The following FAM114A2 variants were observed in gnomAD, a reference collection of about 807,000 sequenced individuals.
FAM114A2 encodes the protein protein FAM114A2.
A neutral mutation model predicts 58.4 loss-of-function variants in FAM114A2; 53 were observed. The ratio of observed to expected loss-of-function variants is 0.91; its 90% CI spans 0.73 to 1.14. The LOEUF (loss-of-function observed/expected upper bound fraction) is 1.14. FAM114A2 is among the 50% of genes most tolerant of loss of function. The pLI, the probability that FAM114A2 is intolerant of heterozygous loss-of-function variation, is 0.00. For synonymous variants in FAM114A2, 228 were observed against 211.4 expected (o/e 1.08, Z -0.68); for missense variants, 601 against 581.1 (o/e 1.03, Z -0.35).
chr5:154,033,146 A>G (rs1772308900), intron 4 of FAM114A2, among the ~76,000 whole-genome samples: 1 of 152,198 alleles, frequency 6.6e-6, no homozygotes, highest in Non-Finnish European at 1.5e-5. Context: ...ATAAGCAGCG[A>G]AAGTCAGTCT....
At chr5:154,033,604 A>G (rs1314936049) in intron 4 of FAM114A2, among the ~76,000 whole-genome samples, 187 bp downstream of exon 4, 1 of 152,234 alleles carries the variant, frequency 6.6e-6, no homozygotes, top group African/African-American at 2.4e-5. Context: ...AAAGTGAAGT[A>G]AAGGGACACA....
intron 1 of FAM114A2, chr5:154,037,377 A>G (rs1191260968): frequency 1.3e-5 from 2 of 152,250 alleles, no homozygotes; most frequent in East Asian, 3.8e-4. Flanking sequence ...CTGACATACA[A>G]ACCAACTTAG....
chr5:154,009,798 TAAAAGACA>T (rs2113303396), intron 9 of FAM114A2, among the ~76,000 whole-genome samples: 1 of 151,980 alleles, frequency 6.6e-6, no homozygotes, highest in East Asian at 1.9e-4. Context: ...ACCAACGTCA[TAAAAGACA>T]AAAAGACAAA....
At chr5:154,037,025 A>C (rs1321601635) in intron 1 of FAM114A2, 1 of 152,084 alleles carries the variant, frequency 6.6e-6, no homozygotes, top group East Asian at 1.9e-4. Context: ...AATCCACTTC[A>C]CTCAAATTAT....
chr5:154,025,332 T>C (rs1771705759), intron 8 of FAM114A2, among the ~76,000 whole-genome samples: 1 of 152,006 alleles, frequency 6.6e-6, no homozygotes, highest in African/African-American at 2.4e-5. Flanking sequence ...GAAAATGCAA[T>C]GACACTAGTA....
intron 4 of FAM114A2, 134 bp from the exon 5 acceptor site, chr5:154,029,714 A>C (rs1237122745): frequency 8.1e-6 from 4 of 494,936 alleles, no homozygotes; most frequent in African/African-American, 6.0e-5. Flanking sequence ...TTATCATTTT[A>C]AACCATTTGC....
chr5:154,006,560 T>C (rs1177678088), intron 9 of FAM114A2, among the ~76,000 whole-genome samples: 1 of 151,788 alleles, frequency 6.6e-6, no homozygotes, highest in African/African-American at 2.4e-5. Flanking sequence ...TGACAGAAAA[T>C]TAGGTTGGAG....
chr5:154,011,442 A>G, intron 8 of FAM114A2, 122 bp from the exon 9 acceptor site: 1 of 642,664 alleles, frequency 1.6e-6, no homozygotes, highest in South Asian at 2.1e-5. Context: ...TAACAATAGT[A>G]GCAGCAGTAA....
In FAM114A2 at chr5:153,991,816, G is replaced by A. The variant is rs1769262464; in HGVS notation, c.*1160C>T. 6.6e-6 allele frequency: 1 copy of A among 151,620 alleles called. No homozygotes were observed. The highest frequency in any genetic ancestry group is 2.1e-4 in the South Asian group (1 of 4,814). The allele number at this position is 151,620 out of a possible 1,614,324, so 9.4% of individuals were successfully genotyped here. A position where few individuals can be genotyped will look rare whatever the true frequency, so the allele number is the denominator to read the frequency against. ...AAGGTTTTAGAAGATGAGGGGCAGA[G>A]CTAACAAATTACCTTAATCATTAAA... On this transcript the variant is annotated 3_prime_UTR_variant, in exon 14 of 14. Coordinates refer to ENST00000351797, the MANE Select transcript of FAM114A2 (RefSeq NM_018691.4).
In FAM114A2 at chr5:154,002,324, T is replaced by G; in HGVS notation, c.1183A>C (p.Lys395Gln). The G allele has an allele frequency of 1.2e-6, 2 of 1,614,138 alleles. No homozygotes were observed. Among genetic ancestry groups the G allele is most frequent in the Non-Finnish European group, 1.7e-6 (2 of 1,179,948 alleles). Residue 395 changes from lysine to glutamine, a missense_variant, in exon 11 of 14, where the codon AAA (lysine) becomes CAA (glutamine). By Grantham distance (53) the Lys-to-Gln change is moderately conservative. Coordinates refer to ENST00000351797, the MANE Select transcript of FAM114A2 (RefSeq NM_018691.4). ...LTACSIELFHKTAALVLHGRK... is the reference protein window; with the variant it reads ...LTACSIELFHQTAALVLHGRK... ...CCATGCAGAACCAATGCAGCTGTTTTGTGGAATAGTTCAATTGAGCAGGCA... is the reference window on the plus strand; with the variant it reads ...CCATGCAGAACCAATGCAGCTGTTTGGTGGAATAGTTCAATTGAGCAGGCA...
At chr5:154,010,901 G>A (rs1210343416) in intron 9 of FAM114A2, among the ~76,000 whole-genome samples, 1 of 152,190 alleles carries the variant, frequency 6.6e-6, no homozygotes, top group Non-Finnish European at 1.5e-5. Flanking sequence ...CCTGAGAACA[G>A]TGAGTCCTCG....
chr5:154,002,459 C>T (rs542838981), intron 10 of FAM114A2, 69 bp from the exon 11 acceptor site: 12 of 1,498,034 alleles, frequency 8.0e-6, no homozygotes, highest in African/African-American at 1.4e-5. Flanking sequence ...CCTTACTTCT[C>T]TCATACTACA....
chr5:153,993,377 C>T, intron 13 of FAM114A2, among the ~76,000 whole-genome samples: 1 of 152,168 alleles, frequency 6.6e-6, no homozygotes, highest in East Asian at 1.9e-4. Context: ...GCAACATGGT[C>T]AGACTTGGCA....
intron 9 of FAM114A2, among the ~76,000 whole-genome samples, chr5:154,009,631 A>T (rs1429642238): frequency 1.3e-5 from 2 of 152,330 alleles, no homozygotes; most frequent in South Asian, 2.1e-4. Flanking sequence ...CAGACAACAC[A>T]TCACCAATAA....
chr5:154,031,935 A>G (rs887867825), intron 4 of FAM114A2, among the ~76,000 whole-genome samples: 4 of 152,246 alleles, frequency 2.6e-5, no homozygotes, highest in Non-Finnish European at 5.9e-5. Flanking sequence ...TTTGTTCCTA[A>G]GCAGAAAGGC....
rs1769228436 is a variant in FAM114A2 at position 153,991,054 on chromosome 5, A to T, written c.*1922T>A. ...TCAGAATTGGGCCTTTCATCATTTC[A>T]CTAGTGGTCCCTAACTCCATTAAAA... On this transcript the variant is annotated 3_prime_UTR_variant, in exon 14 of 14. Coordinates refer to ENST00000351797, the MANE Select transcript of FAM114A2 (RefSeq NM_018691.4). 1 of 151,782 alleles carries T rather than the reference A, an allele frequency of 6.6e-6. No individual in the cohort carries two copies. Among genetic ancestry groups the T allele is most frequent in the Admixed American group, 6.6e-5 (1 of 15,226 alleles). 9.4% of individuals were successfully genotyped at this position (151,782 alleles called of 1,614,324 possible). A position where few individuals can be genotyped will look rare whatever the true frequency, so the allele number is the denominator to read the frequency against.
intron 4 of FAM114A2, among the ~76,000 whole-genome samples, 170 bp from the exon 5 acceptor site, chr5:154,029,750 G>A (rs1048837982): frequency 6.6e-6 from 1 of 152,122 alleles, no homozygotes; most frequent in South Asian, 2.1e-4. Flanking sequence ...AGCTAAGATA[G>A]GCAGTTTTCA....
intron 9 of FAM114A2, among the ~76,000 whole-genome samples, chr5:154,004,514 G>A (rs911907060): frequency 6.6e-6 from 1 of 152,102 alleles, no homozygotes; most frequent in African/African-American, 2.4e-5. Context: ...ATACTCTGCA[G>A]GCATCACACA....
intron 4 of FAM114A2, 113 bp downstream of exon 4, chr5:154,033,678 A>G: frequency 1.5e-6 from 1 of 646,642 alleles, no homozygotes; most frequent in Non-Finnish European, 2.7e-6. Context: ...CTTTCTCACT[A>G]CAGTCCCACG....
Sources: gnomAD v4.1 joint callset for allele counts (sites outside exome capture counted in the v4.1 genomes callset) on GRCh38, gnomAD v4.1.1 for gene constraint, MANE v1.5 for transcripts, NCBI Gene and HGNC (gene_info 2026-07-23, HGNC 2026-07-21) for gene names.